The following DCAF1 variants were observed in gnomAD, a reference collection of about 807,000 sequenced individuals.
DCAF1 encodes the protein DDB1- and CUL4-associated factor 1.
A neutral mutation model predicts 128.0 loss-of-function variants in DCAF1; 15 were observed. The observed-to-expected ratio is 0.12, with a 90% confidence interval of 0.08 to 0.18. The LOEUF (loss-of-function observed/expected upper bound fraction) is 0.18, where lower values mean the gene tolerates loss of function less well. Among genes scored for constraint, DCAF1 ranks in the 10% least tolerant of loss-of-function variants. The pLI is 1.00. For synonymous variants in DCAF1, 610 were observed against 603.0 expected (o/e 1.01, Z -0.17); for missense variants, 988 against 1,649.5 (o/e 0.60, Z 6.95).
At chr3:51,502,997 A>T (rs1194394865), upstream of DCAF1, among the ~76,000 whole-genome samples, 1 of 152,156 alleles carries the variant, frequency 6.6e-6, no homozygotes, top group Non-Finnish European at 1.5e-5. Context: ...TTTCACATCT[A>T]AGCATATGCA....
chr3:51,441,143 G>A (rs1701322775), intron 8 of DCAF1, 72 bp from the exon 9 acceptor site: 1 of 1,393,188 alleles, frequency 7.2e-7, no homozygotes, highest in Non-Finnish European at 9.9e-7. Context: ...CACTCTTTGA[G>A]GATAGAAGCC....
intron 6 of DCAF1, among the ~76,000 whole-genome samples, chr3:51,456,193 G>C (rs1261654759): frequency 2.0e-5 from 3 of 152,158 alleles, no homozygotes; most frequent in Admixed American, 6.5e-5. Context: ...CTGGAAAATC[G>C]GATCACTCCG....
intron 24 of DCAF1, among the ~76,000 whole-genome samples, chr3:51,399,929 G>A (rs1268440867): frequency 1.3e-5 from 2 of 152,208 alleles, no homozygotes; most frequent in Non-Finnish European, 1.5e-5. Context: ...GTGCCTAAGA[G>A]AATCAACTCT....
chr3:51,504,077 G>A (rs1274844880), upstream of DCAF1, among the ~76,000 whole-genome samples: 6 of 142,048 alleles, frequency 4.2e-5, no homozygotes, highest in Non-Finnish European at 6.0e-5. Flanking sequence ...TGGCTCTGTC[G>A]CCCAGGCTGG....
chr3:51,443,911 A>G lies in DCAF1; in HGVS notation c.376-8T>C. The G allele has an allele frequency of 1.3e-6, 2 of 1,583,700 alleles. No individual in the cohort carries two copies. The highest frequency in any genetic ancestry group is 1.7e-6 in the Non-Finnish European group (2 of 1,170,978). ...ATTCTCGACAATTCCCTCCTATAGT[A>G]AAGGAAATTAAATAGTACATTTCGG... On this transcript the variant is annotated splice_polypyrimidine_tract_variant and splice_region_variant and intron_variant, in intron 6 of 24. Transcript: ENST00000684031.
chr3:51,476,368 G>T (rs1705444182), intron 3 of DCAF1, among the ~76,000 whole-genome samples: 1 of 151,854 alleles, frequency 6.6e-6, no homozygotes, highest in Non-Finnish European at 1.5e-5. Context: ...TCCAGCCTGG[G>T]TGCGAGTGAG....
chr3:51,410,924 G>T (rs1179933664), intron 23 of DCAF1, among the ~76,000 whole-genome samples: 2 of 152,186 alleles, frequency 1.3e-5, no homozygotes, highest in African/African-American at 4.8e-5. Context: ...TTGGGAGGCT[G>T]AGGCGGGTGG....
At chr3:51,481,851 G>A (rs782793531) in intron 3 of DCAF1, among the ~76,000 whole-genome samples, 2 of 151,996 alleles carry the variant, frequency 1.3e-5, no homozygotes, top group Non-Finnish European at 2.9e-5. Context: ...ATTAGCCAGC[G>A]TCGTGGCGGG....
intron 24 of DCAF1, among the ~76,000 whole-genome samples, chr3:51,401,630 AAG>A (rs1273043978): frequency 1.8e-4 from 28 of 152,228 alleles, no homozygotes; most frequent in Non-Finnish European, 2.2e-4. Context: ...CAACAGCTAA[AAG>A]AGGCAGTAAT....
intron 3 of DCAF1, among the ~76,000 whole-genome samples, chr3:51,475,688 C>T (rs952780951): frequency 5.3e-5 from 8 of 152,098 alleles, no homozygotes; most frequent in Non-Finnish European, 1.0e-4. Flanking sequence ...GGCGAAAGCC[C>T]GTCTCTACTA....
rs1707720564 is a variant in DCAF1, at chr3:51,492,102, T to A, written c.-9+4632A>T. ...AACCTGCGGGAGGCGGAAGTTGCAG[T>A]GAGCCGAGACTGCACCACTGCACTC... On this transcript the variant is annotated intron_variant, in intron 2 of 24. Transcript: ENST00000684031. Among the ~76,000 whole-genome samples, 3 of 146,618 alleles carry A rather than the reference T, an allele frequency of 2.0e-5. No individual in the cohort carries two copies. In the South Asian group the frequency reaches 6.4e-4, roughly 31 times the overall value.
At chr3:51,441,291 G>A (rs1701335292) in intron 8 of DCAF1, 94 bp downstream of exon 8, 3 of 1,424,846 alleles carry the variant, frequency 2.1e-6, no homozygotes, top group Non-Finnish European at 1.9e-6. Context: ...GGTAGAGTTA[G>A]AATATATCTT....
intron 7 of DCAF1, among the ~76,000 whole-genome samples, chr3:51,442,277 T>C (rs1299194429): frequency 2.6e-5 from 4 of 152,224 alleles, no homozygotes; most frequent in Admixed American, 6.5e-5. Flanking sequence ...TTTTATCTAC[T>C]GTAGGTTGTA....
intron 7 of DCAF1, among the ~76,000 whole-genome samples, chr3:51,442,543 C>CA (rs1701456114): frequency 6.6e-6 from 1 of 151,886 alleles, no homozygotes; most frequent in South Asian, 2.1e-4. Flanking sequence ...ACTAAAAATA[C>CA]AAAAAATTTC....
At chr3:51,430,581 C>G (rs1432027616) in intron 10 of DCAF1, among the ~76,000 whole-genome samples, 1 of 152,130 alleles carries the variant, frequency 6.6e-6, no homozygotes, top group East Asian at 1.9e-4. Context: ...GATTTCTGAT[C>G]CTAAGTCTAG....
intron 22 of DCAF1, 27 bp downstream of exon 22, chr3:51,412,966 A>G (rs1553628975): frequency 3.1e-6 from 5 of 1,613,108 alleles, no homozygotes; most frequent in South Asian, 1.1e-5. Context: ...AGAACAAAAG[A>G]GCAGGGCCTC....
intron 9 of DCAF1, among the ~76,000 whole-genome samples, chr3:51,439,910 T>C (rs1701206989): frequency 6.6e-6 from 1 of 151,998 alleles, no homozygotes; most frequent in Non-Finnish European, 1.5e-5. Flanking sequence ...GGAGAATTGC[T>C]TGACCCAGGA....
At chr3:51,424,944 TG>T (rs1357783328) in intron 13 of DCAF1, among the ~76,000 whole-genome samples, 1 of 152,196 alleles carries the variant, frequency 6.6e-6, no homozygotes, top group Non-Finnish European at 1.5e-5. Flanking sequence ...TGGTTAATGA[TG>T]GAGCAGTTGT....
At chr3:51,461,336 G>C (rs1259061945) in intron 6 of DCAF1, among the ~76,000 whole-genome samples, 1 of 152,308 alleles carries the variant, frequency 6.6e-6, no homozygotes, top group East Asian at 1.9e-4. Flanking sequence ...GGCCATCAGA[G>C]AAATGCAAAT....
Sources: gnomAD v4.1 joint callset for allele counts (sites outside exome capture counted in the v4.1 genomes callset) on GRCh38, gnomAD v4.1.1 for gene constraint, MANE v1.5 for transcripts, NCBI Gene and HGNC (gene_info 2026-07-23, HGNC 2026-07-21) for gene names.